The following WDPCP variants were observed in gnomAD, a reference collection of about 807,000 sequenced individuals.
WDPCP encodes the protein WD repeat containing planar cell polarity effector.
WDPCP carries 71 observed loss-of-function variants against 93.1 expected under a neutral mutation model. That is an observed-to-expected ratio of 0.76 (90% CI 0.63 to 0.93). The LOEUF (loss-of-function observed/expected upper bound fraction) is 0.93, where lower values mean the gene tolerates loss of function less well. WDPCP is among the 40% of genes least tolerant of loss of function. WDPCP has a pLI of 0.00. For missense variants in WDPCP, 844 were observed against 887.4 expected (o/e 0.95, Z 0.62); for synonymous variants, 315 against 315.0 (o/e 1.00, Z 0.00).
chr2:63,127,693 A>G (rs1237919486), intron 17 of WDPCP, among the ~76,000 whole-genome samples: 4 of 140,988 alleles, frequency 2.8e-5, no homozygotes, highest in Non-Finnish European at 3.1e-5. Context: ...ATATATATAT[A>G]TACGCACACA....
intron 6 of WDPCP, among the ~76,000 whole-genome samples, chr2:63,455,453 C>A (rs1163059626): frequency 2.0e-5 from 3 of 150,536 alleles, no homozygotes; most frequent in Non-Finnish European, 4.4e-5. Context: ...CACACACACA[C>A]ACACAGAAAG....
chr2:63,163,371 T>G (rs189488060), intron 15 of WDPCP, among the ~76,000 whole-genome samples: 2 of 152,318 alleles, frequency 1.3e-5, no homozygotes, highest in African/African-American at 4.8e-5. Flanking sequence ...CATTTAATCA[T>G]ATACCAAGGC....
At chr2:63,688,859 G>T (rs13405855) in intron 2 of WDPCP, among the ~76,000 whole-genome samples, 2 of 151,926 alleles carry the variant, frequency 1.3e-5, no homozygotes, top group African/African-American at 2.4e-5. Flanking sequence ...AGGTGATTAG[G>T]TCATGAGGTT....
intron 12 of WDPCP, among the ~76,000 whole-genome samples, chr2:63,355,213 C>T (rs1225899570): frequency 6.6e-6 from 1 of 152,128 alleles, no homozygotes; most frequent in African/African-American, 2.4e-5. Flanking sequence ...AGGTCATCTT[C>T]AAAGCAAACC....
chr2:63,202,595 T>C (rs1263695854), intron 14 of WDPCP, among the ~76,000 whole-genome samples: 1 of 152,184 alleles, frequency 6.6e-6, no homozygotes, highest in Admixed American at 6.5e-5. Context: ...TTTCTATCTC[T>C]ACTTGCAGCC....
intron 1 of WDPCP, among the ~76,000 whole-genome samples, chr2:63,582,917 A>C (rs1708588832): frequency 6.6e-6 from 1 of 152,176 alleles, no homozygotes; most frequent in Admixed American, 6.5e-5. Flanking sequence ...ATTTTTAAAA[A>C]GGAACTACAT....
chr2:63,654,423 G>A (rs895937902), intron 2 of WDPCP, among the ~76,000 whole-genome samples: 1 of 152,228 alleles, frequency 6.6e-6, no homozygotes, highest in African/African-American at 2.4e-5. Flanking sequence ...CTAATTGGAA[G>A]ATGAAAATGT....
At chr2:63,495,714 A>G (rs1701183693) in intron 1 of WDPCP, among the ~76,000 whole-genome samples, 1 of 152,220 alleles carries the variant, frequency 6.6e-6, no homozygotes, top group Non-Finnish European at 1.5e-5. Context: ...CTTTCAAGGT[A>G]CACTTACTCA....
chr2:63,323,642 T>C lies in WDPCP; in HGVS notation c.1749-10331A>G, dbSNP rs1039888657. ...ACATCTTTATAGGACATGGTTAAGG[T>C]CCCAATACTAACAGGTGAATGCTTA... On this transcript the variant is annotated intron_variant, in intron 12 of 17. Transcript: ENST00000272321. 4.6e-5 allele frequency among the ~76,000 whole-genome samples: 7 copies of C among 152,202 alleles called. No individual in the cohort carries two copies. In the South Asian group the frequency reaches 1.5e-3, roughly 32 times the overall value.
chr2:63,358,747 G>C (rs1176718324), intron 12 of WDPCP, among the ~76,000 whole-genome samples: 2 of 152,122 alleles, frequency 1.3e-5, no homozygotes, highest in Admixed American at 6.6e-5. Context: ...TGAGCCACCA[G>C]GATGGCCTCC....
In WDPCP at chr2:63,597,303, A is replaced by G. The variant is rs1035586319; in HGVS notation, n.488+53356T>C. 29 of 1,276,620 alleles carry G rather than the reference A, an allele frequency of 2.3e-5. No individual in the cohort carries two copies. In the East Asian group the frequency reaches 4.9e-4, roughly 21 times the overall value. 79.1% of individuals were successfully genotyped at this position (1,276,620 alleles called of 1,614,324 possible). A position where few individuals can be genotyped will look rare whatever the true frequency, so the allele number is the denominator to read the frequency against. Reference sequence around the variant, plus strand: ...TCAGTGTGATATGTAAACACTTGCAACAAGTGAAAGAATTAATGGGTAGAT... The same window carrying G: ...TCAGTGTGATATGTAAACACTTGCAGCAAGTGAAAGAATTAATGGGTAGAT... On this transcript the variant is annotated intron_variant and non_coding_transcript_variant, in intron 3 of 4. Coordinates refer to the WDPCP transcript ENST00000467687.
intron 9 of WDPCP, among the ~76,000 whole-genome samples, chr2:63,412,551 A>G (rs1319243145): frequency 2.0e-5 from 3 of 152,202 alleles, no homozygotes; most frequent in Admixed American, 2.0e-4. Context: ...AAGAGAAAGA[A>G]ATAAAGAGCA....
At chr2:63,695,243 T>C (rs1482959871) in intron 2 of WDPCP, among the ~76,000 whole-genome samples, 1 of 152,222 alleles carries the variant, frequency 6.6e-6, no homozygotes, top group Non-Finnish European at 1.5e-5. Flanking sequence ...TTGTCTCCTA[T>C]GCTTTATTTA....
intron 1 of WDPCP, among the ~76,000 whole-genome samples, chr2:63,500,350 G>C (rs1701465396): frequency 6.6e-6 from 1 of 152,002 alleles, no homozygotes; most frequent in Non-Finnish European, 1.5e-5. Flanking sequence ...GAAAAATAAA[G>C]TCAAAGATAG....
At chr2:63,604,871 C>T (rs750883157) in intron 3 of WDPCP, 20 of 1,613,682 alleles carry the variant, frequency 1.2e-5, no homozygotes, top group South Asian at 5.5e-5. Context: ...GAATTTGTCA[C>T]GGTAAGAAAA....
At position 63,685,040 on chromosome 2, in the gene WDPCP, A is replaced by G. The variant is rs183628193; in HGVS notation, n.309-34202T>C. 3.3e-5 allele frequency among the ~76,000 whole-genome samples: 5 copies of G among 152,304 alleles called. No individual in the cohort carries two copies. In the East Asian group the frequency reaches 5.8e-4, roughly 18 times the overall value. ...CAAAAACAAAGAAAAACTTCAAATA[A>G]CAATGCATCATAAAGAACTAGAAAA... is the stretch of plus-strand genomic sequence containing the variant. On this transcript the variant is annotated intron_variant and non_coding_transcript_variant, in intron 2 of 4. Transcript: ENST00000467687.
intron 1 of WDPCP, among the ~76,000 whole-genome samples, chr2:63,577,333 A>G (rs990828489): frequency 6.6e-6 from 1 of 152,208 alleles, no homozygotes; most frequent in Non-Finnish European, 1.5e-5. Context: ...CACACAATGT[A>G]CATGGAAAGT....
At chr2:63,453,109 A>G (rs1349878846) in intron 6 of WDPCP, among the ~76,000 whole-genome samples, 1 of 152,230 alleles carries the variant, frequency 6.6e-6, no homozygotes, top group African/African-American at 2.4e-5. Flanking sequence ...TAATTAAACT[A>G]AAGAGCTTCT....
chr2:63,758,502 C>T (rs1047640265), intron 2 of WDPCP, among the ~76,000 whole-genome samples: 5 of 152,140 alleles, frequency 3.3e-5, no homozygotes, highest in African/African-American at 1.2e-4. Flanking sequence ...ACAGTGGCAC[C>T]ATCTTGGCTT....
Sources: allele counts gnomAD v4.1 joint callset (sites outside exome capture counted in the v4.1 genomes callset), GRCh38; gene constraint gnomAD v4.1.1; transcripts MANE v1.5; gene names NCBI Gene and HGNC (gene_info 2026-07-23, HGNC 2026-07-21).